FOXN3: variants seen among roughly 807,000 people sequenced by gnomAD.
FOXN3 encodes forkhead box protein N3.
A neutral mutation model predicts 38.4 loss-of-function variants in FOXN3; 7 were observed. The observed-to-expected ratio is 0.18, with a 90% CI of 0.10 to 0.34. The LOEUF is 0.34. Ranked by LOEUF, FOXN3 falls within the 10% of genes least tolerant of loss-of-function variation. The pLI, the probability that FOXN3 is intolerant of heterozygous loss-of-function variation, is 1.00. For synonymous variants in FOXN3, 230 were observed against 242.2 expected, an observed-to-expected ratio of 0.95 and a Z score of 0.47; for missense variants, 456 against 613.4, an observed-to-expected ratio of 0.74 and a Z score of 2.71.
chr14:89,509,462 G>A (rs767387105), intron 1 of FOXN3, among the ~76,000 whole-genome samples: 1 of 152,218 alleles, frequency 6.6e-6, no homozygotes, highest in Non-Finnish European at 1.5e-5. Context: ...AGCCTCCCAA[G>A]TAGGTGGGAT....
chr14:89,273,096 T>C (rs1267572640), intron 4 of FOXN3, among the ~76,000 whole-genome samples: 3 of 152,266 alleles, frequency 2.0e-5, no homozygotes, highest in Non-Finnish European at 4.4e-5. Context: ...CATCTCTCAC[T>C]GCTGTAAACC....
chr14:89,446,244 G>A (rs1465846018), intron 1 of FOXN3, among the ~76,000 whole-genome samples: 10 of 137,606 alleles, frequency 7.3e-5, no homozygotes, highest in Admixed American at 5.4e-4. Flanking sequence ...GCTGGAGTGC[G>A]AAGGCCCAAT....
chr14:89,162,959 T>G lies in FOXN3; in HGVS notation c.862A>C (p.Thr288Pro). 4 of 1,561,348 alleles carry G rather than the reference T, an allele frequency of 2.6e-6. No individual in the cohort carries two copies. The highest frequency in any genetic ancestry group is 3.5e-6 in the Non-Finnish European group (4 of 1,149,912). Residue 288 changes from threonine to proline, a missense_variant, in exon 6 of 6, where the codon ACC (threonine) becomes CCC (proline). Thr to Pro is a conservative substitution (Grantham distance 38). This residue lies in a region of FOXN3 where 386 missense variants were observed against 505.2 expected (regional missense o/e 0.76). Coordinates refer to ENST00000557258, the MANE Select transcript of FOXN3 (RefSeq NM_005197.4). This position sits in a 1 kb window ranked among gnomAD's most constrained non-coding sequence, Gnocchi z 7.2. ...CTCTCAGTCCGCATCCGGCAGCTGG[T>G]GATGCCATTCCTGCAGAGCGAGGAC... Reference protein sequence around the residue: ...GVTAAMRNGITSCRMRTESEP... With the variant: ...GVTAAMRNGIPSCRMRTESEP...
At chr14:89,260,691 C>A (rs963320791) in intron 4 of FOXN3, among the ~76,000 whole-genome samples, 1 of 152,148 alleles carries the variant, frequency 6.6e-6, no homozygotes, top group African/African-American at 2.4e-5. Flanking sequence ...CAAAGAGGGG[C>A]CCAACTGAAA....
intron 1 of FOXN3, among the ~76,000 whole-genome samples, chr14:89,523,812 G>A (rs1894370301): frequency 1.3e-5 from 2 of 151,822 alleles, no homozygotes; most frequent in Admixed American, 1.3e-4. Flanking sequence ...ACCCAGGCTG[G>A]AGTGCAATGG....
rs1887019052 is a variant in FOXN3 at position 89,158,066 on chromosome 14, A to G, written c.*4348T>C. 1 of 152,324 alleles carries G rather than the reference A, an allele frequency of 6.6e-6. No homozygotes were observed. Among genetic ancestry groups the G allele is most frequent in the African/African-American group, 2.4e-5 (1 of 41,472 alleles). The allele number at this position is 152,324 out of a possible 1,614,324, so 9.4% of individuals were successfully genotyped here. On this transcript the variant is annotated 3_prime_UTR_variant, in exon 6 of 6. Transcript: ENST00000557258. ...GAGAAATCACATGGAATTTAATCCA[A>G]TCTCATCTAGAAAAGCTTCCCATTT...
intron 4 of FOXN3, among the ~76,000 whole-genome samples, chr14:89,276,139 T>C (rs1257337625): frequency 6.6e-6 from 1 of 151,806 alleles, no homozygotes; most frequent in African/African-American, 2.4e-5. Flanking sequence ...ATTAGCTGAG[T>C]GGGGTAGTGG....
At chr14:89,471,441 A>G (rs1442674097) in intron 1 of FOXN3, among the ~76,000 whole-genome samples, 2 of 152,056 alleles carry the variant, frequency 1.3e-5, no homozygotes, top group African/African-American at 4.8e-5. Context: ...TTATGTCTAC[A>G]GTTTTTTTAT....
intron 1 of FOXN3, chr14:89,576,258 G>A (rs1295798403): frequency 1.3e-5 from 2 of 152,148 alleles, no homozygotes; most frequent in Non-Finnish European, 2.9e-5. Flanking sequence ...AGACTTCGCC[G>A]GGTGCCTTTC....
intron 2 of FOXN3, chr14:89,353,843 C>A (rs1451959174): frequency 6.6e-6 from 1 of 151,968 alleles, no homozygotes; most frequent in African/African-American, 2.4e-5. Flanking sequence ...GATTCTCGTG[C>A]CTCAGCCTAC....
intron 1 of FOXN3, among the ~76,000 whole-genome samples, chr14:89,528,754 T>C (rs545961915): frequency 1.3e-5 from 2 of 151,924 alleles, no homozygotes; most frequent in Non-Finnish European, 2.9e-5. Flanking sequence ...CACACACCCC[T>C]CAAAAAAGTA....
At chr14:89,218,661 A>G (rs1410653559) in intron 4 of FOXN3, among the ~76,000 whole-genome samples, 1 of 152,170 alleles carries the variant, frequency 6.6e-6, no homozygotes, top group Admixed American at 6.5e-5. Flanking sequence ...GGTCATGAAC[A>G]TTTTAGGTTG....
At chr14:89,576,911 A>G (rs915113841) in intron 1 of FOXN3, 1 of 152,230 alleles carries the variant, frequency 6.6e-6, no homozygotes, top group Admixed American at 6.5e-5. Flanking sequence ...ATGCTGATAC[A>G]TAACTACTTT....
chr14:89,237,693 C>T (rs556245689), intron 4 of FOXN3, among the ~76,000 whole-genome samples: 7 of 152,232 alleles, frequency 4.6e-5, no homozygotes, highest in African/African-American at 1.7e-4. Context: ...AAACTGACCA[C>T]CCCTCCCCCT....
chr14:89,513,818 A>G (rs1211077780), intron 1 of FOXN3, among the ~76,000 whole-genome samples: 2 of 151,896 alleles, frequency 1.3e-5, no homozygotes, highest in African/African-American at 4.8e-5. Context: ...ACTAGCCTCA[A>G]ACTCCCGGAG....
At position 89,166,232 on chromosome 14, in the gene FOXN3, G is replaced by A. The variant is rs372238942; in HGVS notation, c.852-3263C>T. 9.6e-4 allele frequency among the ~76,000 whole-genome samples: 147 copies of A among 152,346 alleles called. 2 individuals carry two copies. The South Asian group carries it at 0.029, about 30-fold the overall frequency. Reference sequence around the variant, plus strand: ...TCATAAGAGGAATGGTTTCGAGCCTGAGAATGTCTCTTTCTTTCTTAAACA... The same window carrying A: ...TCATAAGAGGAATGGTTTCGAGCCTAAGAATGTCTCTTTCTTTCTTAAACA... On this transcript the variant is annotated intron_variant, in intron 5 of 5. Coordinates refer to ENST00000557258, the MANE Select transcript of FOXN3 (RefSeq NM_005197.4).
intron 1 of FOXN3, among the ~76,000 whole-genome samples, chr14:89,487,041 G>T (rs537110005): frequency 1.3e-5 from 2 of 152,284 alleles, no homozygotes; most frequent in African/African-American, 4.8e-5. Context: ...ACCCACAAGC[G>T]CTCAAGGCCA....
chr14:89,567,281 C>T (rs1345253209), intron 1 of FOXN3, among the ~76,000 whole-genome samples: 1 of 152,148 alleles, frequency 6.6e-6, no homozygotes, highest in Non-Finnish European at 1.5e-5. Context: ...GCAGACAAGT[C>T]AGCAACAATT....
At chr14:89,395,347 G>A (rs1891072594) in intron 2 of FOXN3, among the ~76,000 whole-genome samples, 1 of 152,058 alleles carries the variant, frequency 6.6e-6, no homozygotes, top group African/African-American at 2.4e-5. Context: ...TTGAATGGAG[G>A]AATCTAAGGT....
Sources: gnomAD v4.1 joint callset for allele counts (sites outside exome capture counted in the v4.1 genomes callset) on GRCh38, gnomAD v4.1.1 for gene constraint, gnomAD v4.1.1 regional missense constraint, Gnocchi (gnomAD v3.1) non-coding constraint, MANE v1.5 for transcripts, NCBI Gene and HGNC (gene_info 2026-07-23, HGNC 2026-07-21) for gene names.